Variants in IL17RD observed in about 807,000 individuals in gnomAD.
IL17RD encodes interleukin-17 receptor D.
A neutral mutation model predicts 80.5 loss-of-function variants in IL17RD; 52 were observed. The ratio of observed to expected loss-of-function variants is 0.65; its 90% CI spans 0.52 to 0.81. The LOEUF (loss-of-function observed/expected upper bound fraction) is 0.81, where lower values mean the gene tolerates loss of function less well. IL17RD is among the 40% of genes least tolerant of loss of function. The probability of loss-of-function intolerance (pLI) is 0.00; values close to 1 mark genes in which losing one functional copy is unlikely to be tolerated. For synonymous variants in IL17RD, 416 were observed against 391.8 expected (o/e 1.06, Z -0.73); for missense variants, 1,024 against 955.1 (o/e 1.07, Z -0.95).
intron 8 of IL17RD, 25 bp downstream of exon 8, chr3:57,104,317 T>C (rs1227634462): frequency 6.5e-7 from 1 of 1,528,444 alleles, no homozygotes; most frequent in Non-Finnish European, 9.0e-7. Context: ...ATAGCATTAA[T>C]AGGGCTTTCT....
intron 4 of IL17RD, 32 bp downstream of exon 4, chr3:57,110,161 T>C: frequency 6.4e-7 from 1 of 1,561,972 alleles, no homozygotes; most frequent in Admixed American, 1.9e-5. Context: ...CAATGGCATG[T>C]CTTCAGGAGC....
intron 1 of IL17RD, among the ~76,000 whole-genome samples, chr3:57,131,269 A>G (rs1454095049): frequency 6.6e-6 from 1 of 152,070 alleles, no homozygotes; most frequent in African/African-American, 2.4e-5. Context: ...CTGCCTTTCT[A>G]CAGAAAGAGC....
At chr3:57,103,476 T>C (rs1271953011) in intron 8 of IL17RD, among the ~76,000 whole-genome samples, 1 of 152,186 alleles carries the variant, frequency 6.6e-6, no homozygotes, top group African/African-American at 2.4e-5. Flanking sequence ...TCCACTGATT[T>C]TACTGGGCCT....
At chr3:57,105,552 A>AAAAATATATATATATAT in intron 7 of IL17RD, among the ~76,000 whole-genome samples, 1 of 63,590 alleles carries the variant, frequency 1.6e-5, no homozygotes, top group African/African-American at 9.3e-5. Flanking sequence ...AAAAAAAAAA[A>AAAAATATATATATATAT]ATATATATAT....
At position 57,127,361 on chromosome 3, in the gene IL17RD, T is replaced by TATATAA. The variant is rs1559477248; in HGVS notation, c.127-7049_127-7048insTTATAT. 3.8e-4 allele frequency among the ~76,000 whole-genome samples: 31 copies of TATATAA among 81,160 alleles called. 1 individual carries two copies. The highest frequency in any genetic ancestry group is 3.4e-3 in the East Asian group (6 of 1,740). 53.2% of individuals were successfully genotyped at this position (81,160 alleles called of 152,430 possible). ...AAAAATATATATAAATATATATAAA[T>TATATAA]ATAAATATATATATATAAATAAATA... On this transcript the variant is annotated intron_variant, in intron 1 of 12. Coordinates refer to ENST00000296318, the MANE Select transcript of IL17RD (RefSeq NM_017563.5).
chr3:57,096,822 C>T (rs1210896668), intron 12 of IL17RD, among the ~76,000 whole-genome samples: 1 of 152,006 alleles, frequency 6.6e-6, no homozygotes, highest in African/African-American at 2.4e-5. Flanking sequence ...CCAGCCTGGC[C>T]AACATGGTGA....
chr3:57,152,673 G>A (rs143043102), intron 1 of IL17RD, among the ~76,000 whole-genome samples: 23 of 152,230 alleles, frequency 1.5e-4, no homozygotes, highest in African/African-American at 3.9e-4. Flanking sequence ...CCTTAAATCT[G>A]GAGTGGGGTA....
chr3:57,100,180 CTG>C (rs1380503549), intron 11 of IL17RD, among the ~76,000 whole-genome samples: 1 of 152,228 alleles, frequency 6.6e-6, no homozygotes, highest in East Asian at 1.9e-4. Context: ...TATCTGAAAA[CTG>C]TGTGCCATTG....
In IL17RD at chr3:57,110,241, T is replaced by C; in HGVS notation, c.381A>G (p.Gln127=). 1.2e-6 allele frequency: 2 copies of C among 1,609,196 alleles called. No homozygotes were observed. The highest frequency in any genetic ancestry group is 1.7e-6 in the Non-Finnish European group (2 of 1,177,686). ...GCTGCTTCGGATCCTTTAGAATCAG[T>C]TGTTGGCACTGTCTTCCCTCCGACT... ...ELKSEGRQCQ[Q]LILKDPKQLN... is the part of the protein sequence containing the mutation. Residue 127 remains glutamine (Q), a synonymous_variant, in exon 4 of 13, where the codon CAA becomes CAG. Transcript: ENST00000296318.
At chr3:57,163,322 A>G (rs962917705) in intron 1 of IL17RD, among the ~76,000 whole-genome samples, 1 of 152,206 alleles carries the variant, frequency 6.6e-6, no homozygotes, top group South Asian at 2.1e-4. Flanking sequence ...AAACGTCAGC[A>G]TAAGTGTGAG....
intron 1 of IL17RD, chr3:57,164,907 C>A (rs978208599): frequency 8.1e-7 from 1 of 1,238,412 alleles, no homozygotes; most frequent in Non-Finnish European, 1.0e-6. Context: ...CTGAATGGGA[C>A]CCCGGCCGGC....
rs976432290 is a variant in IL17RD at position 57,090,050 on chromosome 3, G to A, written c.*6343C>T. ...AAAACATTTTGTAAATGTCAGCTGT[G>A]ATCTACTTTCACCTAGTTACAGAGT... On this transcript the variant is annotated 3_prime_UTR_variant, in exon 13 of 13. Coordinates refer to ENST00000296318, the MANE Select transcript of IL17RD (RefSeq NM_017563.5). The A allele has an allele frequency of 6.6e-6, 1 of 152,626 alleles. No homozygotes were observed. Among genetic ancestry groups the A allele is most frequent in the Non-Finnish European group, 1.5e-5 (1 of 68,038 alleles). The allele number at this position is 152,626 out of a possible 1,614,324, so 9.5% of individuals were successfully genotyped here.
At chr3:57,116,547 G>A (rs539897988) in intron 2 of IL17RD, among the ~76,000 whole-genome samples, 3 of 151,966 alleles carry the variant, frequency 2.0e-5, no homozygotes, top group South Asian at 4.2e-4. Flanking sequence ...GGCCTCCCAA[G>A]GTGCTGAGAT....
upstream of IL17RD, among the ~76,000 whole-genome samples, chr3:57,168,695 GTGT>G (rs1347379657): frequency 1.3e-5 from 2 of 151,972 alleles, no homozygotes; most frequent in African/African-American, 2.4e-5. Context: ...TGGTTTTTTT[GTGT>G]TGTTGTTGTT....
chr3:57,105,977 C>A lies in IL17RD; in HGVS notation c.627G>T (p.Gln209His). The change falls in exon 7 of 13, where the codon CAG becomes CAT. Residue 209 changes from glutamine to histidine, a missense_variant. Coordinates refer to ENST00000296318, the MANE Select transcript of IL17RD (RefSeq NM_017563.5). ...FWKPRNLNISQHGSDMQVSFD... is the reference protein window; with the variant it reads ...FWKPRNLNISHHGSDMQVSFD... Reference sequence around the variant, plus strand: ...AGGACACCTGCATGTCCGAGCCATGCTGGCTGATGTTCAGGTTCCGAGGCT... The same window carrying A: ...AGGACACCTGCATGTCCGAGCCATGATGGCTGATGTTCAGGTTCCGAGGCT... The A allele has an allele frequency of 6.2e-7, 1 of 1,613,932 alleles. No homozygotes were observed.
At chr3:57,135,317 G>T (rs1207481801) in intron 1 of IL17RD, among the ~76,000 whole-genome samples, 2 of 152,156 alleles carry the variant, frequency 1.3e-5, no homozygotes, top group Admixed American at 6.5e-5. Context: ...GAGGCAGAAG[G>T]CCAGGCCAGG....
rs375318784 is a variant in IL17RD, at chr3:57,098,299, C to G, written c.1404G>C (p.Ser468=). 6.2e-7 allele frequency: 1 copy of G among 1,613,902 alleles called. No homozygotes were observed. Among genetic ancestry groups the G allele is most frequent in the African/African-American group, 1.3e-5 (1 of 74,936 alleles). Residue 468 remains serine (S), a synonymous_variant, in exon 12 of 13, where the codon TCG becomes TCC. Transcript: ENST00000296318. ...AEKLRQAKQS[S]SAALSKFIAV... ...CGATAAACTTGCTGAGCGCCGCGGA[C>G]GAACTCTGCTTGGCCTGGCGGAGCT...
At chr3:57,130,635 G>A (rs1402986557) in intron 1 of IL17RD, among the ~76,000 whole-genome samples, 2 of 152,168 alleles carry the variant, frequency 1.3e-5, no homozygotes, top group African/African-American at 2.4e-5. Flanking sequence ...ACGGGCAGAT[G>A]GGAGGAGAAA....
intron 1 of IL17RD, among the ~76,000 whole-genome samples, chr3:57,124,684 A>ATT (rs1707412667): frequency 6.6e-6 from 1 of 152,246 alleles, no homozygotes; most frequent in African/African-American, 2.4e-5. Context: ...CTCCAGAACT[A>ATT]TAATAAGACA....
Sources: allele counts gnomAD v4.1 joint callset (sites outside exome capture counted in the v4.1 genomes callset), GRCh38; gene constraint gnomAD v4.1.1; transcripts MANE v1.5; gene names NCBI Gene and HGNC (gene_info 2026-07-23, HGNC 2026-07-21).